Variants in GRM7 observed in about 807,000 individuals in gnomAD.
The protein encoded by GRM7 is glutamate metabotropic receptor 7.
A neutral mutation model predicts 84.5 loss-of-function variants in GRM7; 35 were observed. That is an observed-to-expected ratio of 0.41 (90% CI 0.32 to 0.55). The LOEUF (loss-of-function observed/expected upper bound fraction) is 0.55. Among genes scored for constraint, GRM7 ranks in the 20% least tolerant of loss-of-function variants. The pLI, the probability that GRM7 is intolerant of heterozygous loss-of-function variation, is 0.19. For synonymous variants in GRM7, 487 were observed against 455.1 expected (o/e 1.07, Z -0.89); for missense variants, 1,003 against 1,194.6 (o/e 0.84, Z 2.36).
In GRM7 at chr3:6,886,190, A is replaced by G. The variant is rs1224146189; in HGVS notation, c.519+24283A>G. Among the ~76,000 whole-genome samples, 4 of 152,096 alleles carry G rather than the reference A, an allele frequency of 2.6e-5. No homozygotes were observed. In the East Asian group the frequency reaches 5.8e-4, roughly 22 times the overall value. ...AGTAACCAGTGCTGTATTATTAACT[A>G]TAGTCACCATGTTGTACATTCGATC... is the stretch of plus-strand genomic sequence containing the variant. On this transcript the variant is annotated intron_variant, in intron 1 of 9. Coordinates refer to ENST00000357716, the MANE Select transcript of GRM7 (RefSeq NM_000844.4).
chr3:7,182,050 A>G (rs1382062745), intron 2 of GRM7, among the ~76,000 whole-genome samples: 1 of 152,194 alleles, frequency 6.6e-6, no homozygotes, highest in Non-Finnish European at 1.5e-5. Flanking sequence ...AAGGCTAAAG[A>G]ATAGTACAAA....
At chr3:7,089,524 A>G (rs1466567356) in intron 1 of GRM7, among the ~76,000 whole-genome samples, 1 of 152,196 alleles carries the variant, frequency 6.6e-6, no homozygotes, top group Non-Finnish European at 1.5e-5. Context: ...GCTGCTCTTC[A>G]AGCAGAAATG....
intron 2 of GRM7, among the ~76,000 whole-genome samples, chr3:7,270,465 T>C (rs1052728979): frequency 3.3e-5 from 5 of 152,004 alleles, no homozygotes; most frequent in Non-Finnish European, 5.9e-5. Flanking sequence ...TGAAAATGTA[T>C]AGTTTTTTTT....
intron 1 of GRM7, among the ~76,000 whole-genome samples, chr3:6,953,557 T>A (rs1252841007): frequency 1.3e-5 from 2 of 152,222 alleles, no homozygotes; most frequent in African/African-American, 4.8e-5. Context: ...GTCTCTTTCA[T>A]CCACTCACGC....
intron 1 of GRM7, among the ~76,000 whole-genome samples, chr3:7,136,761 G>A (rs1012552034): frequency 1.3e-5 from 2 of 151,938 alleles, no homozygotes; most frequent in African/African-American, 4.8e-5. Context: ...ATACTGATCC[G>A]TTCCTATGCT....
chr3:7,570,461 A>G (rs1286621750), intron 7 of GRM7, among the ~76,000 whole-genome samples: 1 of 152,202 alleles, frequency 6.6e-6, no homozygotes, highest in East Asian at 1.9e-4. Flanking sequence ...GGCCTCATGC[A>G]AGTCCAAAAT....
At chr3:7,736,216 T>C (rs957595520) in intron 9 of GRM7, among the ~76,000 whole-genome samples, 2 of 152,188 alleles carry the variant, frequency 1.3e-5, no homozygotes, top group Non-Finnish European at 2.9e-5. Flanking sequence ...AATTAGATTG[T>C]TTCTTATTTA....
intron 2 of GRM7, among the ~76,000 whole-genome samples, chr3:7,213,138 C>A (rs1696485784): frequency 6.6e-6 from 1 of 152,182 alleles, no homozygotes. Flanking sequence ...CTGCTCAAGG[C>A]AACAGAGACT....
intron 1 of GRM7, among the ~76,000 whole-genome samples, chr3:7,056,322 G>A (rs1006527203): frequency 2.6e-5 from 4 of 151,960 alleles, no homozygotes; most frequent in Non-Finnish European, 4.4e-5. Context: ...TAATGCCTGG[G>A]AGTATCCATG....
intron 7 of GRM7, among the ~76,000 whole-genome samples, chr3:7,517,418 A>G (rs939824938): frequency 5.9e-5 from 9 of 152,058 alleles, no homozygotes; most frequent in African/African-American, 2.2e-4. Context: ...TTTGAGACAG[A>G]GTCTCGCTCT....
chr3:6,955,255 G>T (rs954124786), intron 1 of GRM7, among the ~76,000 whole-genome samples: 1 of 152,182 alleles, frequency 6.6e-6, no homozygotes, highest in Non-Finnish European at 1.5e-5. Context: ...TAGAATGACG[G>T]CCGGGGCTGG....
chr3:6,914,911 G>GCACAA (rs1318367953), intron 1 of GRM7, among the ~76,000 whole-genome samples: 1 of 151,982 alleles, frequency 6.6e-6, no homozygotes, highest in African/African-American at 2.4e-5. Context: ...ATCGTTCTTT[G>GCACAA]CACAACATTA....
In GRM7 at chr3:7,714,987, C is replaced by T. The variant is rs116689698; in HGVS notation, c.2699-25370C>T. The stretch of plus-strand genomic sequence containing the variant: ...CAAAGCAATGGCTGAACCAAGGCTT[C>T]TCCTTGCCAAAATCATGGCATTCAA... On this transcript the variant is annotated intron_variant, in intron 9 of 9. Coordinates refer to ENST00000357716, the MANE Select transcript of GRM7 (RefSeq NM_000844.4). 7.2e-3 allele frequency among the ~76,000 whole-genome samples: 1,096 copies of T among 152,298 alleles called. 12 individuals carry two copies. The highest frequency in any genetic ancestry group is 0.025 in the African/African-American group (1,056 of 41,558).
At chr3:6,993,346 A>T (rs1217870495) in intron 1 of GRM7, among the ~76,000 whole-genome samples, 2 of 152,208 alleles carry the variant, frequency 1.3e-5, no homozygotes, top group Admixed American at 1.3e-4. Flanking sequence ...TGGAGGTATC[A>T]AAAAGGAGCA....
chr3:6,956,734 G>A (rs527635388), intron 1 of GRM7: 31 of 434,606 alleles, frequency 7.1e-5, no homozygotes, highest in Non-Finnish European at 1.0e-4. Context: ...TGAGTGTTCC[G>A]TTGTAGAATG....
chr3:7,411,305 A>G (rs1695926017), intron 4 of GRM7, among the ~76,000 whole-genome samples: 1 of 152,158 alleles, frequency 6.6e-6, no homozygotes, highest in South Asian at 2.1e-4. Context: ...AATTTAAACC[A>G]CTGCCATAGG....
At chr3:7,320,494 G>C (rs1263393190) in intron 4 of GRM7, among the ~76,000 whole-genome samples, 1 of 151,988 alleles carries the variant, frequency 6.6e-6, no homozygotes, top group Non-Finnish European at 1.5e-5. Context: ...CCCTGTCTTT[G>C]GAGATAAGGG....
chr3:7,673,419 A>G (rs1001044689), intron 8 of GRM7, among the ~76,000 whole-genome samples: 1 of 152,042 alleles, frequency 6.6e-6, no homozygotes. Flanking sequence ...GGTTCTTAAA[A>G]GGTCACCTTG....
chr3:7,128,935 G>T (rs532437553), intron 1 of GRM7, among the ~76,000 whole-genome samples: 1 of 152,270 alleles, frequency 6.6e-6, no homozygotes, highest in African/African-American at 2.4e-5. Flanking sequence ...TTAAGCTGAA[G>T]TTGGGAGAAA....
Sources: allele counts gnomAD v4.1 joint callset (sites outside exome capture counted in the v4.1 genomes callset), GRCh38; gene constraint gnomAD v4.1.1; transcripts MANE v1.5; gene names NCBI Gene and HGNC (gene_info 2026-07-23, HGNC 2026-07-21).